The following GRAMD1B variants were observed in gnomAD, a reference collection of about 807,000 sequenced individuals.
GRAMD1B encodes protein Aster-B.
GRAMD1B carries 37 observed loss-of-function variants against 99.7 expected under a neutral mutation model. The observed-to-expected ratio is 0.37, with a 90% CI of 0.29 to 0.49. The LOEUF (loss-of-function observed/expected upper bound fraction) is 0.49, where lower values mean the gene tolerates loss of function less well. GRAMD1B is among the 20% of genes least tolerant of loss of function. The pLI, the probability that GRAMD1B is intolerant of heterozygous loss-of-function variation, is 0.98. For missense variants in GRAMD1B, 888 were observed against 1,009.2 expected, an observed-to-expected ratio of 0.88 and a Z score of 1.63; for synonymous variants, 427 against 387.6, an observed-to-expected ratio of 1.10 and a Z score of -1.19.
intron 1 of GRAMD1B, among the ~76,000 whole-genome samples, chr11:123,380,500 A>G (rs1000028651): frequency 2.0e-5 from 3 of 152,228 alleles, no homozygotes; most frequent in African/African-American, 7.2e-5. Context: ...AGACATCTCC[A>G]GAGACTTTAT....
At chr11:123,471,741 G>A (rs1243254807) in intron 1 of GRAMD1B, among the ~76,000 whole-genome samples, 2 of 152,252 alleles carry the variant, frequency 1.3e-5, no homozygotes, top group East Asian at 3.9e-4. Context: ...AGAAGTAGGG[G>A]CATTGAGTAT....
At chr11:123,619,708 A>G (rs1308554728) in intron 19 of GRAMD1B, 2 of 176,150 alleles carry the variant, frequency 1.1e-5, no homozygotes, top group Non-Finnish European at 2.2e-5. Context: ...TCTTTGTCGT[A>G]CAGTTTGCCT....
intron 1 of GRAMD1B, among the ~76,000 whole-genome samples, chr11:123,422,898 T>A (rs1281828294): frequency 1.3e-5 from 2 of 151,784 alleles, no homozygotes; most frequent in African/African-American, 4.9e-5. Context: ...TCTCCTGAAG[T>A]AAATTTACCA....
intron 1 of GRAMD1B, among the ~76,000 whole-genome samples, chr11:123,381,147 A>G (rs189953145): frequency 3.3e-5 from 5 of 152,194 alleles, no homozygotes; most frequent in Non-Finnish European, 7.4e-5. Context: ...CTCCCTCTCC[A>G]ACTCTTCCTG....
chr11:123,609,244 G>T (rs948679048), intron 12 of GRAMD1B, among the ~76,000 whole-genome samples: 4 of 152,186 alleles, frequency 2.6e-5, no homozygotes, highest in African/African-American at 9.6e-5. Context: ...CTGACCTCAT[G>T]CAGCTAAGAA....
rs1340716876 is a variant in GRAMD1B at position 123,626,240 on chromosome 11, T to C, written c.*3645T>C. 1.3e-5 allele frequency: 2 copies of C among 152,182 alleles called. No individual in the cohort carries two copies. The highest frequency in any genetic ancestry group is 2.9e-5 in the Non-Finnish European group (2 of 68,040). 9.4% of individuals were successfully genotyped at this position (152,182 alleles called of 1,614,324 possible). ...GTTAAGATAGGGTTTGGATTTAGTA[T>C]GAAGCTTTGGCTAAAACCCTTGGGT... On this transcript the variant is annotated 3_prime_UTR_variant, in exon 20 of 20. Transcript: ENST00000635736.
chr11:123,371,712 A>G (rs1168512774), intron 1 of GRAMD1B, among the ~76,000 whole-genome samples: 1 of 152,196 alleles, frequency 6.6e-6, no homozygotes, highest in Non-Finnish European at 1.5e-5. Context: ...TGAGGCAGAC[A>G]AAGGATCTTT....
rs151326609 is a variant in GRAMD1B, at chr11:123,488,614, G to A, written c.452+7721G>A. On this transcript the variant is annotated intron_variant, in intron 2 of 19. Coordinates refer to ENST00000635736, the MANE Select transcript of GRAMD1B (RefSeq NM_001387025.1). ...CGTGTCGGAACGGAGGTGTGAACCT[G>A]GGGAGCCGGATCTTCTCCCCTCGCC... 6.1e-3 allele frequency among the ~76,000 whole-genome samples: 933 copies of A among 152,250 alleles called. 6 individuals are homozygous for A. The highest frequency in any genetic ancestry group is 7.6e-3 in the Non-Finnish European group (518 of 68,008).
At chr11:123,428,745 G>A (rs1948741755), upstream of GRAMD1B, among the ~76,000 whole-genome samples, 2 of 152,148 alleles carry the variant, frequency 1.3e-5, no homozygotes, top group South Asian at 2.1e-4. Flanking sequence ...CCTCAGCTTC[G>A]GGACACTTGT....
In GRAMD1B at chr11:123,591,230, C is replaced by A. The variant is rs1950612310; in HGVS notation, c.685-2852C>A. The A allele has an allele frequency of 2.5e-6, 1 of 393,176 alleles. No homozygotes were observed. The highest frequency in any genetic ancestry group is 4.5e-6 in the Non-Finnish European group (1 of 222,944). The allele number at this position is 393,176 out of a possible 1,614,324, so 24.4% of individuals were successfully genotyped here. On this transcript the variant is annotated intron_variant, in intron 4 of 19. Transcript: ENST00000635736. The surrounding 1 kb of genome is among the most constrained non-coding windows in gnomAD (Gnocchi z 4.7). ...CATGCTGGGCATGCAGCTCTAGGAGCAGAAAGGACACCTGTCAGAGTCACA... is the reference window on the plus strand; with the variant it reads ...CATGCTGGGCATGCAGCTCTAGGAGAAGAAAGGACACCTGTCAGAGTCACA...
At chr11:123,508,408 T>C (rs138973412) in intron 2 of GRAMD1B, among the ~76,000 whole-genome samples, 81 of 152,358 alleles carry the variant, frequency 5.3e-4, no homozygotes, top group African/African-American at 1.8e-3. Context: ...AGGTTCCACC[T>C]CTTAATACTA....
At chr11:123,495,321 A>C (rs1939116584) in intron 2 of GRAMD1B, among the ~76,000 whole-genome samples, 1 of 152,212 alleles carries the variant, frequency 6.6e-6, no homozygotes, top group South Asian at 2.1e-4. Flanking sequence ...GTATATGTTT[A>C]TGGGTTACAT....
intron 1 of GRAMD1B, among the ~76,000 whole-genome samples, chr11:123,413,001 C>T (rs919267710): frequency 1.3e-5 from 2 of 152,078 alleles, no homozygotes; most frequent in Non-Finnish European, 2.9e-5. Flanking sequence ...AGGCTGGTCT[C>T]GAACTCCTGA....
At chr11:123,402,839 G>T (rs1947714855) in intron 1 of GRAMD1B, among the ~76,000 whole-genome samples, 1 of 152,006 alleles carries the variant, frequency 6.6e-6, no homozygotes, top group Admixed American at 6.5e-5. Context: ...TTACACTGTT[G>T]GTGGGTGTGT....
intron 1 of GRAMD1B, among the ~76,000 whole-genome samples, chr11:123,441,584 C>A (rs1225571398): frequency 6.6e-6 from 1 of 151,828 alleles, no homozygotes; most frequent in Non-Finnish European, 1.5e-5. Context: ...GAGTTTGAGA[C>A]CAGTCTGGGC....
chr11:123,365,767 T>C (rs1307190764), intron 1 of GRAMD1B, among the ~76,000 whole-genome samples: 2 of 152,202 alleles, frequency 1.3e-5, no homozygotes, highest in Non-Finnish European at 2.9e-5. Flanking sequence ...GACTTTCTTT[T>C]AGGTTTTGAC....
chr11:123,539,790 A>T (rs1944324570), intron 2 of GRAMD1B, among the ~76,000 whole-genome samples: 1 of 152,016 alleles, frequency 6.6e-6, no homozygotes, highest in Non-Finnish European at 1.5e-5. Flanking sequence ...CATGTCACAT[A>T]CCGTTTCTAT....
rs1955387317 is a variant in GRAMD1B, at chr11:123,624,578, C to T, written c.*1983C>T. 1 of 152,156 alleles carries T rather than the reference C, an allele frequency of 6.6e-6. No homozygotes were observed. Among genetic ancestry groups the T allele is most frequent in the Non-Finnish European group, 1.5e-5 (1 of 68,060 alleles). The allele number at this position is 152,156 out of a possible 1,614,324, so 9.4% of individuals were successfully genotyped here. ...GTCCTTGTTCAGTTCTTGTCCAGGC[C>T]TTTGGGTGAGGGACACTGGTAGGGA... On this transcript the variant is annotated 3_prime_UTR_variant, in exon 20 of 20. Coordinates refer to ENST00000635736, the MANE Select transcript of GRAMD1B (RefSeq NM_001387025.1).
chr11:123,549,184 A>C (rs1314937275), intron 2 of GRAMD1B, among the ~76,000 whole-genome samples: 1 of 152,128 alleles, frequency 6.6e-6, no homozygotes, highest in African/African-American at 2.4e-5. Flanking sequence ...CTCCTGCTTC[A>C]CTTCCTATGG....
Sources: allele counts gnomAD v4.1 joint callset (sites outside exome capture counted in the v4.1 genomes callset), GRCh38; gene constraint gnomAD v4.1.1; non-coding constraint Gnocchi (gnomAD v3.1); transcripts MANE v1.5; gene names NCBI Gene and HGNC (gene_info 2026-07-23, HGNC 2026-07-21).